PLXNB1: variants seen among roughly 807,000 people sequenced by gnomAD.
The protein encoded by PLXNB1 is plexin B1, also known as plexin-B1.
A neutral mutation model predicts 209.4 loss-of-function variants in PLXNB1; 106 were observed. That is an observed-to-expected ratio of 0.51 (90% confidence interval 0.43 to 0.59). PLXNB1 has a LOEUF of 0.59. Among genes scored for constraint, PLXNB1 ranks in the 20% least tolerant of loss-of-function variants. PLXNB1 has a pLI of 0.00. For missense variants in PLXNB1, 2,357 were observed against 2,853.2 expected, an observed-to-expected ratio of 0.83 and a Z score of 3.96; for synonymous variants, 1,167 against 1,183.2, an observed-to-expected ratio of 0.99 and a Z score of 0.28.
At position 48,418,721 on chromosome 3, in the gene PLXNB1, A is replaced by G. The variant is rs975530825; in HGVS notation, c.2956-179T>C. Reference sequence around the variant, plus strand: ...GAGTATGGGGACCCCATGGGGTCTCAAGTTAGAGTTCAGAGCTGGGATGCA... The same window carrying G: ...GAGTATGGGGACCCCATGGGGTCTCGAGTTAGAGTTCAGAGCTGGGATGCA... On this transcript the variant is annotated intron_variant, in intron 13 of 37. Transcript: ENST00000296440. This position sits in a 1 kb window ranked among gnomAD's most constrained non-coding sequence, Gnocchi z 6.6. Among the ~76,000 whole-genome samples, 4 of 152,098 alleles carry G rather than the reference A, an allele frequency of 2.6e-5. No individual in the cohort carries two copies. The highest frequency in any genetic ancestry group is 5.9e-5 in the Non-Finnish European group (4 of 67,986).
Position 48,422,383 on chromosome 3 carries a change from T to C in PLXNB1, c.1367A>G (p.Asp456Gly). 6.2e-7 allele frequency: 1 copy of C among 1,608,210 alleles called. No homozygotes were observed. The highest frequency in any genetic ancestry group is 8.5e-7 in the Non-Finnish European group (1 of 1,177,110). ...CTCAAAGGTCCCATCAAAGGTGAGGTCTCTGCTCACTGCAGACCCCTGCTG... is the reference window on the plus strand; with the variant it reads ...CTCAAAGGTCCCATCAAAGGTGAGGCCTCTGCTCACTGCAGACCCCTGCTG... ...SIQQGSAVSR[D>G]LTFDGTFEHL... Residue 456 changes from aspartate to glycine, a missense_variant, in exon 5 of 38, where the codon GAC (aspartate) becomes GGC (glycine). Transcript: ENST00000296440.
In PLXNB1 at chr3:48,423,575, C is replaced by A; in HGVS notation, c.1037G>T (p.Arg346Leu). 1 of 1,614,176 alleles carries A rather than the reference C, an allele frequency of 6.2e-7. No homozygotes were observed. The highest frequency in any genetic ancestry group is 1.1e-5 in the South Asian group (1 of 91,090). Residue 346 changes from arginine to leucine, a missense_variant, in exon 3 of 38, where the codon CGT becomes CTT. This residue lies in a region of PLXNB1 where 404 missense variants were observed against 443.6 expected (regional missense o/e 0.91). Transcript: ENST00000296440. ...TRDACYTREG[R>L]AEDGTEVAYI... ...GGCCACCTCGGTCCCATCCTCAGCA[C>A]GACCCTCCCGGGTGTAGCAGGCATC...
chr3:48,416,292 G>A lies in PLXNB1; in HGVS notation c.3480+54C>T. 2 of 1,560,404 alleles carry A rather than the reference G, an allele frequency of 1.3e-6. No individual in the cohort carries two copies. The highest frequency in any genetic ancestry group is 1.4e-5 in the African/African-American group (1 of 74,054). Reference sequence around the variant, plus strand: ...GGAATAACCAGATGGGTTGAGAGGAGCCACCAGAGAGGTTGGCCCGCTGGC... The same window carrying A: ...GGAATAACCAGATGGGTTGAGAGGAACCACCAGAGAGGTTGGCCCGCTGGC... On this transcript the variant is annotated intron_variant, in intron 17 of 37. Coordinates refer to ENST00000296440, the MANE Select transcript of PLXNB1 (RefSeq NM_001130082.3). This position sits in a 1 kb window ranked among gnomAD's most constrained non-coding sequence, Gnocchi z 4.1.
chr3:48,410,565 G>C lies in PLXNB1; in HGVS notation c.5417-7C>G, dbSNP rs761458548. On this transcript the variant is annotated splice_region_variant and splice_polypyrimidine_tract_variant and intron_variant, in intron 29 of 37. Transcript: ENST00000296440. The surrounding 1 kb of genome is among the most constrained non-coding windows in gnomAD (Gnocchi z 6.4). Reference sequence around the variant, plus strand: ...GCCACCCCAGACCGCCACTCTGCAAGGGCAAGGCAGAACTGGGTGCAGGGC... The same window carrying C: ...GCCACCCCAGACCGCCACTCTGCAACGGCAAGGCAGAACTGGGTGCAGGGC... 6.2e-7 allele frequency: 1 copy of C among 1,610,296 alleles called. No homozygotes were observed. The highest frequency in any genetic ancestry group is 1.7e-5 in the Admixed American group (1 of 59,996).
At position 48,415,821 on chromosome 3, in the gene PLXNB1, C is replaced by A. The variant is rs114418296; in HGVS notation, c.3618-62G>T. ...GCAGGGAAAACTTGGACCACTCAGG[C>A]CCCAACTGGCTTCCCTCAAGCGCTG... On this transcript the variant is annotated intron_variant, in intron 18 of 37. Transcript: ENST00000296440. This position sits in a 1 kb window ranked among gnomAD's most constrained non-coding sequence, Gnocchi z 5.0. The A allele has an allele frequency of 2.0e-6, 3 of 1,467,800 alleles. No individual in the cohort carries two copies. The allele number at this position is 1,467,800 out of a possible 1,614,324, so 90.9% of individuals were successfully genotyped here.
chr3:48,416,701 T>A lies in PLXNB1; in HGVS notation c.3375-250A>T. On this transcript the variant is annotated intron_variant, in intron 16 of 37. Coordinates refer to ENST00000296440, the MANE Select transcript of PLXNB1 (RefSeq NM_001130082.3). The surrounding 1 kb of genome is among the most constrained non-coding windows in gnomAD (Gnocchi z 4.1). ...CCCAGGGGCCCCCAATAAGGAAGAA[T>A]TTATCTGTGGCATAAATTTACAAAG... 2.8e-6 allele frequency: 1 copy of A among 358,850 alleles called. No individual in the cohort carries two copies. Among genetic ancestry groups the A allele is most frequent in the Non-Finnish European group, 5.0e-6 (1 of 200,826 alleles). 22.2% of individuals were successfully genotyped at this position (358,850 alleles called of 1,614,324 possible).
At position 48,413,816 on chromosome 3, in the gene PLXNB1, C is replaced by T; in HGVS notation, c.4389G>A (p.Val1463=). The change falls in exon 23 of 38, where the codon GTG becomes GTA. Residue 1463 remains valine (V), a splice_region_variant and synonymous_variant. Coordinates refer to ENST00000296440, the MANE Select transcript of PLXNB1 (RefSeq NM_001130082.3). This position sits in a 1 kb window ranked among gnomAD's most constrained non-coding sequence, Gnocchi z 5.4. The part of the protein sequence containing the change: ...EAPDSLPEFT[V]QMGNLRFSLG... Reference sequence around the variant, plus strand: ...GGGAGAAGCGCAAGTTCCCCATCTGCACCTGTGTCAGGAGCCACCTGTGAG... The same window carrying T: ...GGGAGAAGCGCAAGTTCCCCATCTGTACCTGTGTCAGGAGCCACCTGTGAG... 6.2e-7 allele frequency: 1 copy of T among 1,612,870 alleles called. No individual in the cohort carries two copies. Among genetic ancestry groups the T allele is most frequent in the South Asian group, 1.1e-5 (1 of 91,020 alleles).
chr3:48,420,381 C>T, intron 10 of PLXNB1, 124 bp from the exon 11 acceptor site: 1 of 663,852 alleles, frequency 1.5e-6, no homozygotes, highest in Non-Finnish European at 2.5e-6. Flanking sequence ...TAAAAACAGC[C>T]CATTAATTCT....
chr3:48,418,228 G>A lies in PLXNB1; in HGVS notation c.3185C>T (p.Ala1062Val). The A allele has an allele frequency of 4.3e-6, 7 of 1,612,496 alleles. No individual in the cohort carries two copies. Among genetic ancestry groups the A allele is most frequent in the Non-Finnish European group, 5.9e-6 (7 of 1,179,588 alleles). Residue 1062 changes from alanine (A) to valine (V), a missense_variant, in exon 15 of 38, where the codon GCT becomes GTT. By Grantham distance (64) the Ala-to-Val change is moderately conservative. This residue lies in a region of PLXNB1 where 743 missense variants were observed against 896.2 expected (regional missense o/e 0.83). Coordinates refer to ENST00000296440, the MANE Select transcript of PLXNB1 (RefSeq NM_001130082.3). This position sits in a 1 kb window ranked among gnomAD's most constrained non-coding sequence, Gnocchi z 6.6. The part of the protein sequence containing the change: ...VTREACGEAE[A>V]VATQCPAPLI... ...GGGCGCTGGGCACTGGGTGGCCACA[G>A]CCTCAGCCTCACCACAGGCCTCCCG...
chr3:48,418,861 C>T lies in PLXNB1; in HGVS notation c.2955+56G>A. On this transcript the variant is annotated intron_variant, in intron 13 of 37. Coordinates refer to ENST00000296440, the MANE Select transcript of PLXNB1 (RefSeq NM_001130082.3). The surrounding 1 kb of genome is among the most constrained non-coding windows in gnomAD (Gnocchi z 6.6). Reference sequence around the variant, plus strand: ...TGGTGCAGCCAGCTACAGTTGGCAGCCAGCCTGTGGCCAGTGCAGTGCACC... The same window carrying T: ...TGGTGCAGCCAGCTACAGTTGGCAGTCAGCCTGTGGCCAGTGCAGTGCACC... 6.2e-7 allele frequency: 1 copy of T among 1,604,510 alleles called. No individual in the cohort carries two copies.
chr3:48,424,266 G>T lies in PLXNB1; in HGVS notation c.346C>A (p.Gln116Lys). The T allele has an allele frequency of 6.3e-7, 1 of 1,597,160 alleles. No homozygotes were observed. Among genetic ancestry groups the T allele is most frequent in the Non-Finnish European group, 8.5e-7 (1 of 1,172,326 alleles). The change falls in exon 3 of 38, where the codon CAG (glutamine) becomes AAG (lysine). Residue 116 changes from glutamine to lysine, a missense_variant. By Grantham distance (53) the Gln-to-Lys change is moderately conservative (BLOSUM62 1). This residue lies in a region of PLXNB1 where 107 missense variants were observed against 167.2 expected (regional missense o/e 0.64). Coordinates refer to ENST00000296440, the MANE Select transcript of PLXNB1 (RefSeq NM_001130082.3). The stretch of plus-strand genomic sequence containing the variant: ...AGGCGCCGCTGTTCACAGACCCCCT[G>T]GTGCACGCTCCCGCATACCACCAGG... The part of the protein sequence containing the change: ...GALVVCGSVH[Q>K]GVCEQRRLGQ...
Position 48,403,865 on chromosome 3 carries a change from A to G in PLXNB1, c.*621T>C, listed in dbSNP as rs1477170304. ...CACATCAGACTCAGTGCAGTGTGTTATCCTTTAATGAAAAGCTGGGTCAAT... is the reference window on the plus strand; with the variant it reads ...CACATCAGACTCAGTGCAGTGTGTTGTCCTTTAATGAAAAGCTGGGTCAAT... On this transcript the variant is annotated 3_prime_UTR_variant, in exon 38 of 38. Transcript: ENST00000296440. 6.5e-6 allele frequency: 1 copy of G among 152,956 alleles called. No individual in the cohort carries two copies. Among genetic ancestry groups the G allele is most frequent in the Non-Finnish European group, 1.5e-5 (1 of 68,292 alleles). 9.5% of individuals were successfully genotyped at this position (152,956 alleles called of 1,614,324 possible). A position where few individuals can be genotyped will look rare whatever the true frequency, so the allele number is the denominator to read the frequency against.
chr3:48,425,737 G>A (rs964948479), intron 1 of PLXNB1, among the ~76,000 whole-genome samples: 2 of 151,944 alleles, frequency 1.3e-5, no homozygotes, highest in African/African-American at 2.4e-5. Flanking sequence ...GGCCACCAGC[G>A]CTTCAGCAGA....
rs768460735 is a variant in PLXNB1, at chr3:48,409,609, G to A, written c.5901C>T (p.Ile1967=). 1 of 1,613,944 alleles carries A rather than the reference G, an allele frequency of 6.2e-7. No homozygotes were observed. The highest frequency in any genetic ancestry group is 2.2e-5 in the East Asian group (1 of 44,862). ...LLDEQAQQHG[I]SDQDTIHIWK... ...AGATGTGGATGGTGTCCTGGTCGGAGATGCCATGCTGCTGGGCCTGCTCAT... is the reference window on the plus strand; with the variant it reads ...AGATGTGGATGGTGTCCTGGTCGGAAATGCCATGCTGCTGGGCCTGCTCAT... The change falls in exon 33 of 38, where the codon ATC becomes ATT. Residue 1967 remains isoleucine, a synonymous_variant. Coordinates refer to ENST00000296440, the MANE Select transcript of PLXNB1 (RefSeq NM_001130082.3). This position sits in a 1 kb window ranked among gnomAD's most constrained non-coding sequence, Gnocchi z 5.8.
In PLXNB1 at chr3:48,417,608, G is replaced by A. The variant is rs1241701358; in HGVS notation, c.3374+303C>T. On this transcript the variant is annotated intron_variant, in intron 16 of 37. Transcript: ENST00000296440. This position sits in a 1 kb window ranked among gnomAD's most constrained non-coding sequence, Gnocchi z 4.4. ...CTGATCTGAGGGTCCTGCTGCCACA[G>A]CTATTAATATATCCACAGTCCCTCA... Among the ~76,000 whole-genome samples, 2 of 152,190 alleles carry A rather than the reference G, an allele frequency of 1.3e-5. No homozygotes were observed. The highest frequency in any genetic ancestry group is 4.8e-5 in the African/African-American group (2 of 41,442).
Position 48,421,231 on chromosome 3 carries a change from C to A in PLXNB1, c.1807G>T (p.Ala603Ser). ...GCTGGCCCATTCTCTCACCCACCGG[C>A]TCCTCTCGGCAGCACTGGGGCCTCA... is the stretch of plus-strand genomic sequence containing the variant. Reference protein sequence around the residue: ...PSEAPVLPRGADYVSVSVELR... With the variant: ...PSEAPVLPRGSDYVSVSVELR... The change falls in exon 8 of 38, where the codon GCC (alanine) becomes TCC (serine). Residue 603 changes from alanine to serine, a missense_variant. Ala to Ser is a moderately conservative substitution (Grantham distance 99). Coordinates refer to ENST00000296440, the MANE Select transcript of PLXNB1 (RefSeq NM_001130082.3). The A allele has an allele frequency of 1.2e-6, 2 of 1,613,030 alleles. No individual in the cohort carries two copies. Among genetic ancestry groups the A allele is most frequent in the Non-Finnish European group, 1.7e-6 (2 of 1,179,634 alleles).
chr3:48,409,757 T>A lies in PLXNB1; in HGVS notation c.5779-26A>T. On this transcript the variant is annotated intron_variant, in intron 32 of 37. Transcript: ENST00000296440. The surrounding 1 kb of genome is among the most constrained non-coding windows in gnomAD (Gnocchi z 5.8). ...CTGTGGGAAGGAAGAAGCAGAGAGGTGTGGTCAGCAAAGGGCCCTCAGCAG... is the reference window on the plus strand; with the variant it reads ...CTGTGGGAAGGAAGAAGCAGAGAGGAGTGGTCAGCAAAGGGCCCTCAGCAG... 6.2e-7 allele frequency: 1 copy of A among 1,609,092 alleles called. No homozygotes were observed. The highest frequency in any genetic ancestry group is 8.5e-7 in the Non-Finnish European group (1 of 1,177,506).
At chr3:48,412,390 C>A (rs2037747473) in intron 26 of PLXNB1, 52 bp downstream of exon 26, 1 of 1,610,984 alleles carries the variant, frequency 6.2e-7, no homozygotes, top group African/African-American at 1.3e-5. Flanking sequence ...CCCGAGGCCC[C>A]ACCCCAGCTC....
chr3:48,414,236 C>T (rs557889054), intron 21 of PLXNB1, among the ~76,000 whole-genome samples, 165 bp from the exon 22 acceptor site: 105 of 152,304 alleles, frequency 6.9e-4, no homozygotes, highest in Admixed American at 1.2e-3. Flanking sequence ...CAAGCTGCTC[C>T]TCATCACCCT....
Sources: gnomAD v4.1 joint callset for allele counts (sites outside exome capture counted in the v4.1 genomes callset) on GRCh38, gnomAD v4.1.1 for gene constraint, gnomAD v4.1.1 regional missense constraint, Gnocchi (gnomAD v3.1) non-coding constraint, MANE v1.5 for transcripts, NCBI Gene and HGNC (gene_info 2026-07-23, HGNC 2026-07-21) for gene names.